PPARGC1A: variants seen among roughly 807,000 people sequenced by gnomAD.
PPARGC1A encodes PPARG coactivator 1 alpha, also known as peroxisome proliferator-activated receptor gamma coactivator 1-alpha.
In PPARGC1A, 25 loss-of-function variants were observed where a neutral mutation model predicts 88.7. That is an observed-to-expected ratio of 0.28 (90% CI 0.21 to 0.39). The LOEUF is 0.39. PPARGC1A is among the 10% of genes least tolerant of loss of function. The pLI, the probability that PPARGC1A is intolerant of heterozygous loss-of-function variation, is 1.00. For synonymous variants in PPARGC1A, 363 were observed against 355.6 expected (o/e 1.02, Z -0.24); for missense variants, 880 against 968.7 (o/e 0.91, Z 1.22).
chr4:24,369,661 G>A, the PPARGC1A span, among the ~76,000 whole-genome samples: 1 of 152,214 alleles, frequency 6.6e-6, no homozygotes, highest in African/African-American at 2.4e-5. Flanking sequence ...AGCTGGGAGC[G>A]TGCCATGCTT....
At chr4:24,440,915 C>G in the PPARGC1A span, among the ~76,000 whole-genome samples, 1 of 152,218 alleles carries the variant, frequency 6.6e-6, no homozygotes, top group South Asian at 2.1e-4. Flanking sequence ...GAATCTGCTT[C>G]TGTTGAAAAC....
the PPARGC1A span, among the ~76,000 whole-genome samples, chr4:23,945,347 T>C: frequency 1.3e-5 from 2 of 152,128 alleles, no homozygotes; most frequent in African/African-American, 4.8e-5. Context: ...TGCATGCATA[T>C]ACACCCAAGC....
chr4:23,970,164 G>A, the PPARGC1A span, among the ~76,000 whole-genome samples: 19 of 152,166 alleles, frequency 1.2e-4, no homozygotes, highest in African/African-American at 4.6e-4. Flanking sequence ...TCTGTCTAAG[G>A]ATTCCTGTGT....
At chr4:24,307,228 C>G in the PPARGC1A span, among the ~76,000 whole-genome samples, 2 of 152,148 alleles carry the variant, frequency 1.3e-5, no homozygotes, top group African/African-American at 2.4e-5. Flanking sequence ...GATCAGGGTT[C>G]CACAGGTTGT....
chr4:24,213,967 A>G, the PPARGC1A span, among the ~76,000 whole-genome samples: 9 of 152,238 alleles, frequency 5.9e-5, no homozygotes, highest in African/African-American at 2.2e-4. Context: ...AGAAATACAG[A>G]GTTGGAGAGT....
chr4:24,028,764 A>G, the PPARGC1A span, among the ~76,000 whole-genome samples: 8 of 152,272 alleles, frequency 5.3e-5, no homozygotes, highest in South Asian at 1.5e-3. Flanking sequence ...ACTCCTCAAA[A>G]TGCAAGCTGG....
the PPARGC1A span, among the ~76,000 whole-genome samples, chr4:24,143,221 C>T: frequency 6.6e-6 from 1 of 152,120 alleles, no homozygotes; most frequent in Non-Finnish European, 1.5e-5. Context: ...ATTCAGTAAA[C>T]ATTTATGGAG....
the PPARGC1A span, among the ~76,000 whole-genome samples, chr4:24,387,904 G>GAGAAAGAAAGAAAGAA: frequency 3.7e-3 from 94 of 25,230 alleles, 1 homozygote; most frequent in South Asian, 0.016. Flanking sequence ...GAAAAAGAAA[G>GAGAAAGAAAGAAAGAA]AGAAAGAAAG....
Position 23,814,470 on chromosome 4 carries a change from C to A in PPARGC1A, c.1013G>T (p.Gly338Val). The A allele has an allele frequency of 1.2e-6, 2 of 1,613,450 alleles. No homozygotes were observed. The highest frequency in any genetic ancestry group is 8.5e-7 in the Non-Finnish European group (1 of 1,179,870). The change falls in exon 8 of 13, where the codon GGT becomes GTT. Residue 338 changes from glycine to valine, a missense_variant. Transcript: ENST00000264867. ...CTTGGTGGAGTTATTGCCTTGTGTA[C>A]CAGAAGACTCACTGTACCTGGGCTT... The part of the protein sequence containing the change: ...SKKPRYSESS[G>V]TQGNNSTKKG...
the PPARGC1A span, among the ~76,000 whole-genome samples, chr4:24,289,533 C>A: frequency 2.0e-5 from 3 of 152,204 alleles, no homozygotes; most frequent in East Asian, 5.8e-4. Flanking sequence ...AATAACTTCA[C>A]GTGTTCATGT....
chr4:23,875,545 T>G (rs759405588), intron 2 of PPARGC1A, among the ~76,000 whole-genome samples: 1 of 151,888 alleles, frequency 6.6e-6, no homozygotes, highest in South Asian at 2.1e-4. Flanking sequence ...CTCAGGGACC[T>G]TGGCGGCTCT....
the PPARGC1A span, among the ~76,000 whole-genome samples, chr4:24,308,061 G>A: frequency 6.6e-6 from 1 of 152,138 alleles, no homozygotes; most frequent in Non-Finnish European, 1.5e-5. Context: ...AGAGGCCAAG[G>A]CGTGTGGGTC....
At chr4:24,037,341 A>G in the PPARGC1A span, among the ~76,000 whole-genome samples, 1 of 152,176 alleles carries the variant, frequency 6.6e-6, no homozygotes, top group African/African-American at 2.4e-5. Flanking sequence ...ACTTTCAGAG[A>G]AAAATGATGA....
At chr4:24,267,046 T>C in the PPARGC1A span, among the ~76,000 whole-genome samples, 1 of 152,128 alleles carries the variant, frequency 6.6e-6, no homozygotes, top group African/African-American at 2.4e-5. Context: ...CATCAGCCAC[T>C]TTCTAAAAAT....
chr4:23,857,147 CT>C (rs1172296429), intron 2 of PPARGC1A, among the ~76,000 whole-genome samples: 2 of 151,820 alleles, frequency 1.3e-5, no homozygotes, highest in Non-Finnish European at 2.9e-5. Flanking sequence ...TGTAACAGGT[CT>C]CTCCATATTC....
chr4:24,029,089 G>T, the PPARGC1A span, among the ~76,000 whole-genome samples: 1 of 152,130 alleles, frequency 6.6e-6, no homozygotes, highest in Non-Finnish European at 1.5e-5. Flanking sequence ...TATTTGCTAT[G>T]CTGTCCCTCC....
At chr4:23,871,356 T>C (rs1000041494) in intron 2 of PPARGC1A, among the ~76,000 whole-genome samples, 1 of 152,176 alleles carries the variant, frequency 6.6e-6, no homozygotes, top group Admixed American at 6.5e-5. Context: ...TGTGACCTAA[T>C]GTAACTCTCA....
At chr4:24,088,321 C>T in the PPARGC1A span, among the ~76,000 whole-genome samples, 2 of 151,472 alleles carry the variant, frequency 1.3e-5, no homozygotes, top group Admixed American at 6.6e-5. Flanking sequence ...TGTCACTGCA[C>T]TCCAGCCTGG....
the PPARGC1A span, among the ~76,000 whole-genome samples, chr4:24,362,709 T>C: frequency 6.6e-6 from 1 of 152,174 alleles, no homozygotes; most frequent in Admixed American, 6.6e-5. Flanking sequence ...TCCAAAGAGT[T>C]CCATTAATCT....
Sources: gnomAD v4.1 joint callset for allele counts (sites outside exome capture counted in the v4.1 genomes callset) on GRCh38, gnomAD v4.1.1 for gene constraint, MANE v1.5 for transcripts, NCBI Gene and HGNC (gene_info 2026-07-23, HGNC 2026-07-21) for gene names.